ZZEF1: variants seen among roughly 807,000 people sequenced by gnomAD.
ZZEF1 encodes the protein zinc finger ZZ-type and EF-hand domain containing 1.
In ZZEF1, 157 loss-of-function variants were observed where a neutral mutation model predicts 342.8. The ratio of observed to expected loss-of-function variants is 0.46; its 90% CI spans 0.40 to 0.52. The LOEUF (loss-of-function observed/expected upper bound fraction) is 0.52. Among genes scored for constraint, ZZEF1 ranks in the 20% least tolerant of loss-of-function variants. The probability of loss-of-function intolerance (pLI) is 0.00; values close to 1 mark genes in which losing one functional copy is unlikely to be tolerated. For missense variants in ZZEF1, 3,480 were observed against 3,725.6 expected (o/e 0.93, Z 1.72); for synonymous variants, 1,505 against 1,429.1 (o/e 1.05, Z -1.20).
chr17:4,059,323 T>C lies in ZZEF1; in HGVS notation c.4884-33A>G, dbSNP rs137912011. On this transcript the variant is annotated intron_variant, in intron 30 of 54. Transcript: ENST00000381638. Reference sequence around the variant, plus strand: ...CAGAGGAAATCACTGATTCACTTAATTGCCAGAACATCTTTTTCTTAATAA... The same window carrying C: ...CAGAGGAAATCACTGATTCACTTAACTGCCAGAACATCTTTTTCTTAATAA... 10 of 1,582,860 alleles carry C rather than the reference T, an allele frequency of 6.3e-6. No homozygotes were observed. The East Asian group carries it at 2.0e-4, about 32-fold the overall frequency.
intron 29 of ZZEF1, 130 bp from the exon 30 acceptor site, chr17:4,063,047 T>C (rs550556075): frequency 2.2e-6 from 2 of 899,158 alleles, no homozygotes; most frequent in African/African-American, 3.3e-5. Context: ...AGAAACACCA[T>C]GTAGGAGAAG....
In ZZEF1 at chr17:4,082,467, A is replaced by G; in HGVS notation, c.2684T>C (p.Leu895Pro). The part of the protein sequence containing the change: ...TEQEHKQSLQ[L>P]TFRSLCTYFS... Reference sequence around the variant, plus strand: ...ATACGTGCACAGTGAACGGAAAGTGAGCTGCAGGGACTGCTTGTGCTCCTG... The same window carrying G: ...ATACGTGCACAGTGAACGGAAAGTGGGCTGCAGGGACTGCTTGTGCTCCTG... Residue 895 changes from leucine to proline, a missense_variant, in exon 17 of 55, where the codon CTC becomes CCC. Coordinates refer to ENST00000381638, the MANE Select transcript of ZZEF1 (RefSeq NM_015113.4). 1.2e-6 allele frequency: 2 copies of G among 1,614,180 alleles called. No homozygotes were observed. Among genetic ancestry groups the G allele is most frequent in the South Asian group, 1.1e-5 (1 of 91,082 alleles).
In ZZEF1 at chr17:4,014,198, C is replaced by A; in HGVS notation, c.8315-10G>T. 1 of 1,614,076 alleles carries A rather than the reference C, an allele frequency of 6.2e-7. No homozygotes were observed. Among genetic ancestry groups the A allele is most frequent in the Admixed American group, 1.7e-5 (1 of 60,026 alleles). ...TAATACAGAGTGTCTCCTAGGCACA[C>A]AAGGATCAGAGGCCCATCAGGAACT... On this transcript the variant is annotated splice_polypyrimidine_tract_variant and intron_variant, in intron 50 of 54. Coordinates refer to ENST00000381638, the MANE Select transcript of ZZEF1 (RefSeq NM_015113.4). This position sits in a 1 kb window ranked among gnomAD's most constrained non-coding sequence, Gnocchi z 4.4.
Position 4,006,910 on chromosome 17 carries a change from G to C in ZZEF1, c.8866C>G (p.Leu2956Val), listed in dbSNP as rs775785564. 9 of 1,568,502 alleles carry C rather than the reference G, an allele frequency of 5.7e-6. No homozygotes were observed. The highest frequency in any genetic ancestry group is 7.8e-6 in the Non-Finnish European group (9 of 1,155,480). Residue 2956 changes from leucine (L) to valine (V), a missense_variant, in exon 55 of 55, where the codon CTC (leucine) becomes GTC (valine). Coordinates refer to ENST00000381638, the MANE Select transcript of ZZEF1 (RefSeq NM_015113.4). The stretch of plus-strand genomic sequence containing the variant: ...AAGGGCTAACACTCCACATTCCAGA[G>C]GCGGGTGGCCTTGTTTGGGTAGTTG... ...AINYPNKATR[L>V]WNVEC
At chr17:4,133,027 C>T (rs115481486) in intron 1 of ZZEF1, among the ~76,000 whole-genome samples, 4 of 151,956 alleles carry the variant, frequency 2.6e-5, no homozygotes, top group Non-Finnish European at 5.9e-5. Flanking sequence ...CCTCATCTTC[C>T]CTGAGGCCCT....
intron 34 of ZZEF1, among the ~76,000 whole-genome samples, chr17:4,052,870 A>C (rs929452525): frequency 1.7e-5 from 2 of 116,840 alleles, no homozygotes; most frequent in African/African-American, 4.5e-5. Context: ...TTGTCTCGGG[A>C]GGGCGGCGGG....
At position 4,064,318 on chromosome 17, in the gene ZZEF1, G is replaced by A. The variant is rs202161056; in HGVS notation, c.4718+43C>T. 115 of 1,491,444 alleles carry A rather than the reference G, an allele frequency of 7.7e-5. 1 individual carries two copies. The highest frequency in any genetic ancestry group is 1.0e-4 in the Non-Finnish European group (111 of 1,103,198). 92.4% of individuals were successfully genotyped at this position (1,491,444 alleles called of 1,614,324 possible). ...GCCTCTGACTAGACTGGGTACCTAC[G>A]GCTTAAAAAGAGAAAGCGACAGGAA... On this transcript the variant is annotated intron_variant, in intron 29 of 54. Coordinates refer to ENST00000381638, the MANE Select transcript of ZZEF1 (RefSeq NM_015113.4).
chr17:4,096,653 T>C lies in ZZEF1; in HGVS notation c.1720A>G (p.Thr574Ala), dbSNP rs777503518. ...GKTRASTIFSTGTESAFQVTQ... is the reference protein window; with the variant it reads ...GKTRASTIFSAGTESAFQVTQ... ...ACTTGGAAGGCAGATTCAGTTCCGG[T>C]AGAAAAAATAGTGCTGGCTCTGGTT... Residue 574 changes from threonine to alanine, a missense_variant, in exon 10 of 55, where the codon ACC becomes GCC. Transcript: ENST00000381638. 3 of 1,614,026 alleles carry C rather than the reference T, an allele frequency of 1.9e-6. No homozygotes were observed. Among genetic ancestry groups the C allele is most frequent in the Admixed American group, 1.7e-5 (1 of 60,014 alleles).
rs140286617 is a variant in ZZEF1, at chr17:4,103,852, C to G, written c.1573+781G>C. 2.0e-3 allele frequency among the ~76,000 whole-genome samples: 302 copies of G among 152,180 alleles called. 1 individual carries two copies. The highest frequency in any genetic ancestry group is 6.8e-3 in the African/African-American group (282 of 41,518). The stretch of plus-strand genomic sequence containing the variant: ...GGAGGATCACTTGAGCCTGGGAGGT[C>G]AAGGCTGCAGTGAGCCGTGATCATG... On this transcript the variant is annotated intron_variant, in intron 8 of 54. Coordinates refer to ENST00000381638, the MANE Select transcript of ZZEF1 (RefSeq NM_015113.4).
chr17:4,123,162 C>T (rs1383845112), intron 2 of ZZEF1, among the ~76,000 whole-genome samples: 5 of 150,336 alleles, frequency 3.3e-5, no homozygotes, highest in Non-Finnish European at 7.4e-5. Context: ...CCTCGTGATC[C>T]GCCCGCCTCG....
At chr17:4,081,844 G>A (rs1261537203) in intron 17 of ZZEF1, among the ~76,000 whole-genome samples, 3 of 152,184 alleles carry the variant, frequency 2.0e-5, no homozygotes, top group African/African-American at 2.4e-5. Flanking sequence ...TTCACAGGAC[G>A]GCCCCAGGCC....
chr17:4,015,881 A>T (rs2056087409), intron 49 of ZZEF1, among the ~76,000 whole-genome samples: 1 of 152,222 alleles, frequency 6.6e-6, no homozygotes, highest in Non-Finnish European at 1.5e-5. Context: ...TAAGGATGGA[A>T]AAGATGAGAC....
Position 4,109,718 on chromosome 17 carries a change from T to C in ZZEF1, c.1212A>G (p.Thr404=). The C allele has an allele frequency of 1.2e-6, 2 of 1,614,128 alleles. No homozygotes were observed. Among genetic ancestry groups the C allele is most frequent in the Non-Finnish European group, 1.7e-6 (2 of 1,180,020 alleles). The change falls in exon 6 of 55, where the codon ACA becomes ACG. Residue 404 remains threonine, a synonymous_variant. Transcript: ENST00000381638. ...TCTCCATAGAAGCCGTCACCAGAGA[T>C]GTCAGCAGAGACCAATACCATATTG... ...ASAIWYWSLL[T]SLVTASMETN...
At chr17:4,077,485 C>CTCGGTAA (rs1453426924) in intron 19 of ZZEF1, among the ~76,000 whole-genome samples, 1 of 152,166 alleles carries the variant, frequency 6.6e-6, no homozygotes, top group Non-Finnish European at 1.5e-5. Context: ...TCTAATTATT[C>CTCGGTAA]TCGGTAATCA....
At chr17:4,050,119 T>C (rs539920036) in intron 36 of ZZEF1, among the ~76,000 whole-genome samples, 1 of 152,198 alleles carries the variant, frequency 6.6e-6, no homozygotes, top group African/African-American at 2.4e-5. Flanking sequence ...TATAACAGGA[T>C]TGTCTATTTA....
intron 14 of ZZEF1, among the ~76,000 whole-genome samples, chr17:4,086,954 C>A (rs968970845): frequency 6.6e-6 from 1 of 152,188 alleles, no homozygotes; most frequent in African/African-American, 2.4e-5. Context: ...GTGATCTCAG[C>A]TCACTGCATC....
chr17:4,011,901 C>T (rs986294050), intron 52 of ZZEF1, among the ~76,000 whole-genome samples: 3 of 152,194 alleles, frequency 2.0e-5, no homozygotes, highest in Non-Finnish European at 2.9e-5. Flanking sequence ...AAGGTCCCTC[C>T]CCTGAGGACT....
At chr17:4,024,880 T>C (rs935052453) in intron 43 of ZZEF1, 39 bp downstream of exon 43, 7 of 1,590,998 alleles carry the variant, frequency 4.4e-6, no homozygotes, top group African/African-American at 1.3e-5. Context: ...TGTCAAATTA[T>C]AGCCAGATCC....
chr17:4,099,006 A>C (rs1055203150), intron 9 of ZZEF1, among the ~76,000 whole-genome samples: 1 of 152,228 alleles, frequency 6.6e-6, no homozygotes, highest in Admixed American at 6.5e-5. Flanking sequence ...TCTAAAAGTT[A>C]AGTGATAAAT....
Sources: gnomAD v4.1 joint callset for allele counts (sites outside exome capture counted in the v4.1 genomes callset) on GRCh38, gnomAD v4.1.1 for gene constraint, Gnocchi (gnomAD v3.1) non-coding constraint, MANE v1.5 for transcripts, NCBI Gene and HGNC (gene_info 2026-07-23, HGNC 2026-07-21) for gene names.